Variants in BCKDHB observed in about 807,000 individuals in gnomAD.
BCKDHB encodes branched chain keto acid dehydrogenase E1 subunit beta.
A neutral mutation model predicts 48.5 loss-of-function variants in BCKDHB; 41 were observed. That is an observed-to-expected ratio of 0.85 (90% confidence interval 0.66 to 1.10). The LOEUF is 1.10. Among genes scored for constraint, BCKDHB ranks in the 50% least tolerant of loss-of-function variants. BCKDHB has a pLI of 0.00. For missense variants in BCKDHB, 496 were observed against 494.2 expected (o/e 1.00, Z -0.03); for synonymous variants, 201 against 174.8 (o/e 1.15, Z -1.18).
intron 9 of BCKDHB, among the ~76,000 whole-genome samples, chr6:80,276,535 A>G (rs575111166): frequency 6.6e-6 from 1 of 152,040 alleles, no homozygotes; most frequent in African/African-American, 2.4e-5. Context: ...TTTAAAGCTT[A>G]TTTTAGTATA....
At chr6:80,412,219 C>T in the BCKDHB span, among the ~76,000 whole-genome samples, 1 of 150,660 alleles carries the variant, frequency 6.6e-6, no homozygotes, top group African/African-American at 2.4e-5. Context: ...TCTCAGCTCA[C>T]TGCAACCTCT....
At chr6:80,326,251 A>G (rs1441218685) in intron 9 of BCKDHB, among the ~76,000 whole-genome samples, 1 of 152,178 alleles carries the variant, frequency 6.6e-6, no homozygotes. Flanking sequence ...AGTCTCCGCC[A>G]TAAGCTTACT....
the BCKDHB span, among the ~76,000 whole-genome samples, chr6:80,373,355 T>G: frequency 6.6e-6 from 1 of 152,134 alleles, no homozygotes; most frequent in Non-Finnish European, 1.5e-5. Flanking sequence ...TGGTTAATCT[T>G]GCTAATGGTC....
the BCKDHB span, among the ~76,000 whole-genome samples, chr6:80,432,460 G>A: frequency 3.3e-5 from 5 of 151,632 alleles, no homozygotes; most frequent in East Asian, 3.9e-4. Flanking sequence ...CCTTTCTTCC[G>A]CTTGTTCGAT....
the BCKDHB span, among the ~76,000 whole-genome samples, chr6:80,405,755 AG>A: frequency 6.6e-6 from 1 of 152,112 alleles, no homozygotes; most frequent in Admixed American, 6.6e-5. Context: ...TAGTTACAGC[AG>A]CTTATTTTAG....
chr6:80,219,718 T>C (rs1468361874), intron 8 of BCKDHB, among the ~76,000 whole-genome samples: 4 of 152,120 alleles, frequency 2.6e-5, no homozygotes, highest in African/African-American at 9.7e-5. Flanking sequence ...GTGCAGGAGG[T>C]TTTCTGACAC....
At chr6:80,165,185 C>T (rs1345317730) in intron 3 of BCKDHB, among the ~76,000 whole-genome samples, 1 of 151,994 alleles carries the variant, frequency 6.6e-6, no homozygotes, top group East Asian at 1.9e-4. Context: ...TCAGGTATTC[C>T]AGGGCTGTGA....
intron 3 of BCKDHB, among the ~76,000 whole-genome samples, chr6:80,163,193 T>C (rs1475734022): frequency 6.6e-6 from 1 of 152,000 alleles, no homozygotes; most frequent in Non-Finnish European, 1.5e-5. Flanking sequence ...GTGTGAGCCA[T>C]AGCGCCTGGC....
At chr6:80,166,543 C>A (rs921182212) in intron 3 of BCKDHB, among the ~76,000 whole-genome samples, 2 of 150,436 alleles carry the variant, frequency 1.3e-5, no homozygotes, top group African/African-American at 4.9e-5. Context: ...ATAATCCCAG[C>A]TACTCGGGTG....
At chr6:80,406,239 G>T in the BCKDHB span, among the ~76,000 whole-genome samples, 1 of 152,202 alleles carries the variant, frequency 6.6e-6, no homozygotes, top group East Asian at 1.9e-4. Flanking sequence ...TGGACATTTG[G>T]GTTTGTTCCA....
the BCKDHB span, among the ~76,000 whole-genome samples, chr6:80,358,315 A>G: frequency 2.0e-5 from 3 of 152,198 alleles, no homozygotes; most frequent in Non-Finnish European, 1.5e-5. Context: ...ATAGATACAC[A>G]TATGGGTGTG....
intron 9 of BCKDHB, among the ~76,000 whole-genome samples, chr6:80,315,630 AT>A (rs1768410192): frequency 6.8e-6 from 1 of 146,484 alleles, no homozygotes; most frequent in East Asian, 2.0e-4. Flanking sequence ...ATTTTTATTT[AT>A]TTTTAGAGAC....
Position 80,206,109 on chromosome 6 carries a change from G to A in BCKDHB, c.951+2897G>A, listed in dbSNP as rs576111907. On this transcript the variant is annotated intron_variant, in intron 8 of 9. Coordinates refer to ENST00000320393, the MANE Select transcript of BCKDHB (RefSeq NM_183050.4). The stretch of plus-strand genomic sequence containing the variant: ...AAGGTAAGTAGAAAATATCTGGAAA[G>A]TGAAGCTATCACTTGGTAATGAAGT... 7.9e-5 allele frequency among the ~76,000 whole-genome samples: 12 copies of A among 152,148 alleles called. No individual in the cohort carries two copies. The South Asian group carries it at 1.9e-3, about 24-fold the overall frequency.
At chr6:80,408,303 G>A in the BCKDHB span, among the ~76,000 whole-genome samples, 32 of 152,286 alleles carry the variant, frequency 2.1e-4, no homozygotes, top group East Asian at 6.2e-3. Context: ...AGGGATATTG[G>A]TCTAAAATTC....
At chr6:80,196,533 C>T (rs977897875) in intron 6 of BCKDHB, among the ~76,000 whole-genome samples, 2 of 152,110 alleles carry the variant, frequency 1.3e-5, no homozygotes, top group African/African-American at 4.8e-5. Context: ...GTGTGCTTCT[C>T]AATGGCAATT....
intron 9 of BCKDHB, among the ~76,000 whole-genome samples, chr6:80,296,225 A>G (rs1767238297): frequency 6.6e-6 from 1 of 152,218 alleles, no homozygotes; most frequent in East Asian, 1.9e-4. Context: ...TCAAAGTCTT[A>G]TAGCTGATTA....
the BCKDHB span, among the ~76,000 whole-genome samples, chr6:80,371,525 A>G: frequency 1.1e-4 from 17 of 151,974 alleles, no homozygotes; most frequent in African/African-American, 4.1e-4. Context: ...TTTTTGTTAC[A>G]TGTGCTTTTG....
At chr6:80,269,036 ATAAAGT>A (rs1314439159) in intron 8 of BCKDHB, among the ~76,000 whole-genome samples, 2 of 152,164 alleles carry the variant, frequency 1.3e-5, no homozygotes, top group South Asian at 2.1e-4. Flanking sequence ...AACATGCATA[ATAAAGT>A]TAAACGATTT....
chr6:80,183,067 G>GTATA (rs1773486119), intron 6 of BCKDHB, among the ~76,000 whole-genome samples: 1 of 151,978 alleles, frequency 6.6e-6, no homozygotes, highest in Admixed American at 6.6e-5. Flanking sequence ...ATCTCTGCTT[G>GTATA]TATATATATG....
Sources: allele counts gnomAD v4.1 joint callset (sites outside exome capture counted in the v4.1 genomes callset), GRCh38; gene constraint gnomAD v4.1.1; transcripts MANE v1.5; gene names NCBI Gene and HGNC (gene_info 2026-07-23, HGNC 2026-07-21).